Variants in LMNTD1 observed in about 807,000 individuals in gnomAD.
LMNTD1 encodes lamin tail domain-containing protein 1.
LMNTD1 carries 35 observed loss-of-function variants against 50.9 expected under a neutral mutation model. The observed-to-expected ratio is 0.69, with a 90% CI of 0.53 to 0.91. LMNTD1 has a LOEUF of 0.91. LMNTD1 is among the 40% of genes least tolerant of loss of function. LMNTD1 has a pLI of 0.00. For synonymous variants in LMNTD1, 153 were observed against 161.9 expected (o/e 0.94, Z 0.42); for missense variants, 470 against 475.5 (o/e 0.99, Z 0.11).
At chr12:25,589,134 T>C (rs1295892796) in intron 1 of LMNTD1, among the ~76,000 whole-genome samples, 1 of 152,144 alleles carries the variant, frequency 6.6e-6, no homozygotes, top group Non-Finnish European at 1.5e-5. Flanking sequence ...ATGACGTTCA[T>C]AGCAACATCA....
intron 1 of LMNTD1, among the ~76,000 whole-genome samples, chr12:25,562,747 A>C (rs949793047): frequency 3.9e-5 from 6 of 152,098 alleles, no homozygotes; most frequent in African/African-American, 1.4e-4. Flanking sequence ...ATTTGGTTCC[A>C]TTCTCCCCGT....
intron 1 of LMNTD1, among the ~76,000 whole-genome samples, chr12:25,619,276 ATATG>A (rs748171579): frequency 2.1e-4 from 12 of 58,190 alleles, no homozygotes; most frequent in South Asian, 5.5e-4. Context: ...ATATATATAT[ATATG>A]TATAGCTAAC....
At chr12:25,488,004 T>C (rs960639302) in intron 9 of LMNTD1, among the ~76,000 whole-genome samples, 1 of 149,452 alleles carries the variant, frequency 6.7e-6, no homozygotes, top group African/African-American at 2.5e-5. Context: ...AGAGATCCAC[T>C]GTTAGTCTGA....
intron 6 of LMNTD1, among the ~76,000 whole-genome samples, chr12:25,524,313 C>T (rs1183512163): frequency 1.3e-5 from 2 of 152,186 alleles, no homozygotes; most frequent in Non-Finnish European, 2.9e-5. Flanking sequence ...TAGCACCTAG[C>T]GCCATTCCTG....
At chr12:25,613,647 T>C (rs1367488798) in intron 1 of LMNTD1, among the ~76,000 whole-genome samples, 1 of 152,158 alleles carries the variant, frequency 6.6e-6, no homozygotes, top group East Asian at 1.9e-4. Context: ...TAAAACCTTA[T>C]GCATATTTGT....
intron 9 of LMNTD1, among the ~76,000 whole-genome samples, chr12:25,493,391 TGA>T (rs762779596): frequency 2.0e-5 from 3 of 152,202 alleles, no homozygotes; most frequent in Non-Finnish European, 4.4e-5. Flanking sequence ...GGAAAGATGT[TGA>T]GGGGTCCTAC....
chr12:25,616,670 G>C (rs1946359489), intron 1 of LMNTD1, among the ~76,000 whole-genome samples: 1 of 152,072 alleles, frequency 6.6e-6, no homozygotes, highest in Non-Finnish European at 1.5e-5. Flanking sequence ...CTGAGTAAAG[G>C]GTATGGGGGA....
At chr12:25,622,575 AG>A (rs1277653475) in intron 1 of LMNTD1, among the ~76,000 whole-genome samples, 1 of 150,928 alleles carries the variant, frequency 6.6e-6, no homozygotes, top group Non-Finnish European at 1.5e-5. Flanking sequence ...TGAATTTAGT[AG>A]AGCAGAAACT....
intron 9 of LMNTD1, among the ~76,000 whole-genome samples, chr12:25,494,046 C>T (rs1020690037): frequency 2.0e-5 from 3 of 152,158 alleles, no homozygotes; most frequent in African/African-American, 7.2e-5. Context: ...TTCCCCACCC[C>T]AACCTATCCA....
chr12:25,530,531 T>C (rs1245092885), intron 4 of LMNTD1, among the ~76,000 whole-genome samples: 1 of 152,232 alleles, frequency 6.6e-6, no homozygotes, highest in African/African-American at 2.4e-5. Flanking sequence ...ATCTCCCTGC[T>C]GATTTGTAAT....
rs547767054 is a variant in LMNTD1 at position 25,521,142 on chromosome 12, T to C, written c.799-1067A>G. 1.5e-3 allele frequency among the ~76,000 whole-genome samples: 225 copies of C among 152,326 alleles called. No homozygotes were observed. In the South Asian group the frequency reaches 0.018, roughly 12 times the overall value. On this transcript the variant is annotated intron_variant, in intron 6 of 9. Coordinates refer to ENST00000458174, the MANE Select transcript of LMNTD1 (RefSeq NM_001145728.2). ...CTCAGATATGAGGTTTGCAAACTTT[T>C]TTTTTTCCCAGTCGGTAGGGTGCTA...
intron 1 of LMNTD1, among the ~76,000 whole-genome samples, chr12:25,638,492 G>A (rs1050260379): frequency 2.0e-5 from 3 of 151,850 alleles, no homozygotes; most frequent in African/African-American, 7.2e-5. Flanking sequence ...CAAAATGATA[G>A]GATAAAAGAT....
In LMNTD1 at chr12:25,517,451, G is replaced by A. The variant is rs1279366900; in HGVS notation, c.1189+1344C>T. ...AAATCATCATTCTCAGTAAACTATC[G>A]CAAGAACAAAAAACCAAACACCGCA... On this transcript the variant is annotated intron_variant, in intron 8 of 9. Coordinates refer to ENST00000458174, the MANE Select transcript of LMNTD1 (RefSeq NM_001145728.2). Among the ~76,000 whole-genome samples, 13 of 46,132 alleles carry A rather than the reference G, an allele frequency of 2.8e-4. 4 individuals carry two copies. The South Asian group carries it at 2.9e-3, about 10-fold the overall frequency. The allele number at this position is 46,132 out of a possible 152,430, so 30.3% of individuals were successfully genotyped here.
At chr12:25,511,653 T>C (rs1183133394) in intron 8 of LMNTD1, among the ~76,000 whole-genome samples, 2 of 152,264 alleles carry the variant, frequency 1.3e-5, no homozygotes, top group Non-Finnish European at 2.9e-5. Context: ...CTATTAACTA[T>C]AACTATTAAC....
intron 1 of LMNTD1, among the ~76,000 whole-genome samples, chr12:25,578,388 A>T (rs961967985): frequency 6.6e-6 from 1 of 152,240 alleles, no homozygotes; most frequent in African/African-American, 2.4e-5. Context: ...AGAATGTGCC[A>T]AAAGTAAATT....
intron 1 of LMNTD1, among the ~76,000 whole-genome samples, chr12:25,582,694 A>T (rs1196152401): frequency 6.6e-6 from 1 of 152,242 alleles, no homozygotes; most frequent in Non-Finnish European, 1.5e-5. Flanking sequence ...TTATGTGAGA[A>T]ATCATCTGTA....
At chr12:25,504,533 G>A (rs1012243784) in intron 8 of LMNTD1, among the ~76,000 whole-genome samples, 10 of 146,962 alleles carry the variant, frequency 6.8e-5, no homozygotes, top group Admixed American at 2.1e-4. Flanking sequence ...AGAAGAAAAC[G>A]AAATAATATC....
At chr12:25,554,166 T>A (rs752467332), upstream of LMNTD1, among the ~76,000 whole-genome samples, 1 of 152,190 alleles carries the variant, frequency 6.6e-6, no homozygotes, top group Non-Finnish European at 1.5e-5. Flanking sequence ...AAATATAGCA[T>A]CAGAAGGTTT....
intron 4 of LMNTD1, among the ~76,000 whole-genome samples, chr12:25,544,420 T>C (rs1485476530): frequency 6.6e-6 from 1 of 151,870 alleles, no homozygotes; most frequent in Non-Finnish European, 1.5e-5. Flanking sequence ...GGAATAGTTT[T>C]TCTATCCCTT....
Sources: allele counts gnomAD v4.1 joint callset (sites outside exome capture counted in the v4.1 genomes callset), GRCh38; gene constraint gnomAD v4.1.1; transcripts MANE v1.5; gene names NCBI Gene and HGNC (gene_info 2026-07-23, HGNC 2026-07-21).